Variants in SRPK2 observed in about 807,000 individuals in gnomAD.
SRPK2 encodes SRSF protein kinase 2.
Under a neutral mutation model 90.8 loss-of-function variants are expected in SRPK2, and 21 were observed. The observed-to-expected ratio is 0.23, with a 90% CI of 0.16 to 0.33. SRPK2 has a LOEUF of 0.33. Ranked by LOEUF, SRPK2 falls within the 10% of genes least tolerant of loss-of-function variation. SRPK2 has a pLI of 1.00. For missense variants in SRPK2, 620 were observed against 869.0 expected (o/e 0.71, Z 3.60); for synonymous variants, 288 against 311.1 (o/e 0.93, Z 0.78).
At chr7:105,205,938 C>CAA in intron 2 of SRPK2, 1 of 518,902 alleles carries the variant, frequency 1.9e-6, no homozygotes, top group Non-Finnish European at 3.8e-6. Flanking sequence ...AACACACACA[C>CAA]ACACACACAT....
chr7:105,191,208 G>C (rs12535043), intron 3 of SRPK2, among the ~76,000 whole-genome samples: 63,227 of 151,978 alleles, frequency 0.42, 14,994 homozygotes, highest in South Asian at 0.53. Context: ...ATAGCCAAAC[G>C]ATATCCAATG....
rs1425393812 is a variant in SRPK2, at chr7:105,250,926, A to T, written c.72-47141T>A. Among the ~76,000 whole-genome samples the T allele has an allele frequency of 2.0e-5, 3 of 152,252 alleles. No individual in the cohort carries two copies. The South Asian group carries it at 6.2e-4, about 32-fold the overall frequency. On this transcript the variant is annotated intron_variant, in intron 2 of 15. Coordinates refer to ENST00000393651, the MANE Select transcript of SRPK2 (RefSeq NM_182692.3). Reference sequence around the variant, plus strand: ...GATAATAACTTTGTTTTTCTTCAGGAGCTAGAGGTACTGCCAAGCAGAGCC... The same window carrying T: ...GATAATAACTTTGTTTTTCTTCAGGTGCTAGAGGTACTGCCAAGCAGAGCC...
chr7:105,141,092 A>G (rs868373441), intron 11 of SRPK2, among the ~76,000 whole-genome samples: 30 of 151,936 alleles, frequency 2.0e-4, no homozygotes, highest in African/African-American at 7.0e-4. Context: ...ACCTTCAAAC[A>G]CTCCCTGGAA....
chr7:105,121,800 C>T (rs1168561476), intron 15 of SRPK2, among the ~76,000 whole-genome samples: 2 of 152,176 alleles, frequency 1.3e-5, no homozygotes, highest in Non-Finnish European at 2.9e-5. Context: ...TTATACTTCT[C>T]TTGAATCTTA....
intron 2 of SRPK2, among the ~76,000 whole-genome samples, chr7:105,310,004 A>G (rs1811531463): frequency 6.6e-6 from 1 of 152,224 alleles, no homozygotes; most frequent in African/African-American, 2.4e-5. Context: ...CTCCTCACGC[A>G]TGGGGGAGAA....
In SRPK2 at chr7:105,169,171, C is replaced by T. The variant is rs776758151; in HGVS notation, c.324G>A (p.Leu108=). 5 of 1,612,502 alleles carry T rather than the reference C, an allele frequency of 3.1e-6. No homozygotes were observed. The East Asian group carries it at 8.9e-5, about 29-fold the overall frequency. The change falls in exon 4 of 16, where the codon CTG becomes CTA. Residue 108 remains leucine (L), a synonymous_variant. Transcript: ENST00000393651. The part of the protein sequence containing the change: ...LGWGHFSTVW[L]CWDMQGKRFV... ...AGAACACTTACTGCATATCCCAGCA[C>T]AGCCAGACAGTAGAGAAGTGCCCCC...
At chr7:105,141,881 A>G (rs1803827182) in intron 11 of SRPK2, 127 bp downstream of exon 11, 1 of 1,028,080 alleles carries the variant, frequency 9.7e-7, no homozygotes, top group South Asian at 2.1e-5. Flanking sequence ...GGAGTATAAA[A>G]GTAATAAAAC....
chr7:105,133,654 C>T (rs1254911685), intron 11 of SRPK2, among the ~76,000 whole-genome samples: 1 of 152,202 alleles, frequency 6.6e-6, no homozygotes, highest in Non-Finnish European at 1.5e-5. Context: ...ACACAGATCT[C>T]AAGGGGTAGA....
At chr7:105,292,390 C>T (rs898252567) in intron 2 of SRPK2, among the ~76,000 whole-genome samples, 5 of 149,246 alleles carry the variant, frequency 3.4e-5, no homozygotes, top group African/African-American at 1.2e-4. Flanking sequence ...TGCCTGTAAT[C>T]CCAGCTACTC....
At chr7:105,120,875 C>T (rs575429279) in intron 15 of SRPK2, among the ~76,000 whole-genome samples, 1 of 152,312 alleles carries the variant, frequency 6.6e-6, no homozygotes, top group African/African-American at 2.4e-5. Context: ...AGAGTGGGCT[C>T]ACTGAATGAG....
chr7:105,245,032 CA>C, intron 2 of SRPK2: 1 of 587,950 alleles, frequency 1.7e-6, no homozygotes, highest in Non-Finnish European at 3.0e-6. Context: ...CAAAACAAAA[CA>C]AACACACACA....
chr7:105,164,317 T>C (rs1259660415), intron 6 of SRPK2, among the ~76,000 whole-genome samples: 1 of 152,210 alleles, frequency 6.6e-6, no homozygotes, highest in Non-Finnish European at 1.5e-5. Context: ...CTCAGAAAAC[T>C]TCACCAAGGA....
At chr7:105,269,618 A>C (rs1276089769) in intron 2 of SRPK2, among the ~76,000 whole-genome samples, 1 of 152,218 alleles carries the variant, frequency 6.6e-6, no homozygotes, top group East Asian at 1.9e-4. Flanking sequence ...TGTAAGCACC[A>C]GTTCAACTTA....
chr7:105,178,940 A>G (rs1161647771), intron 3 of SRPK2, among the ~76,000 whole-genome samples: 1 of 152,114 alleles, frequency 6.6e-6, no homozygotes, highest in Non-Finnish European at 1.5e-5. Flanking sequence ...AGAAACACTA[A>G]TAATAATAAT....
At chr7:105,337,874 G>C (rs1030029922) in intron 2 of SRPK2, among the ~76,000 whole-genome samples, 1 of 152,064 alleles carries the variant, frequency 6.6e-6, no homozygotes, top group Non-Finnish European at 1.5e-5. Flanking sequence ...ATAGAAATAT[G>C]TAAGGGAGAA....
At chr7:105,308,813 T>A (rs752097939) in intron 2 of SRPK2, among the ~76,000 whole-genome samples, 6 of 152,340 alleles carry the variant, frequency 3.9e-5, no homozygotes, top group Middle Eastern at 6.8e-3. Context: ...ACATAAGTAC[T>A]TAGATTACTT....
At chr7:105,256,208 G>A (rs1434063404) in intron 2 of SRPK2, among the ~76,000 whole-genome samples, 1 of 152,140 alleles carries the variant, frequency 6.6e-6, no homozygotes, top group Non-Finnish European at 1.5e-5. Flanking sequence ...ACAAGTCTGT[G>A]GCTCACAAAT....
intron 2 of SRPK2, among the ~76,000 whole-genome samples, chr7:105,272,798 C>A (rs1409408189): frequency 6.6e-6 from 1 of 152,104 alleles, no homozygotes; most frequent in Non-Finnish European, 1.5e-5. Context: ...AAAATTGAAC[C>A]CATAAACTTA....
intron 2 of SRPK2, among the ~76,000 whole-genome samples, chr7:105,208,614 G>A (rs1294965533): frequency 6.6e-6 from 1 of 152,110 alleles, no homozygotes; most frequent in East Asian, 1.9e-4. Context: ...GTAAATCAGT[G>A]GATGCTCATA....
Sources: gnomAD v4.1 joint callset for allele counts (sites outside exome capture counted in the v4.1 genomes callset) on GRCh38, gnomAD v4.1.1 for gene constraint, MANE v1.5 for transcripts, NCBI Gene and HGNC (gene_info 2026-07-23, HGNC 2026-07-21) for gene names.